The following ZFR variants were observed in gnomAD, a reference collection of about 807,000 sequenced individuals.
ZFR encodes the protein zinc finger RNA-binding protein.
A neutral mutation model predicts 130.7 loss-of-function variants in ZFR; 19 were observed. That is an observed-to-expected ratio of 0.15 (90% confidence interval 0.10 to 0.21). ZFR has a LOEUF of 0.21. Among genes scored for constraint, ZFR ranks in the 10% least tolerant of loss-of-function variants. The probability of loss-of-function intolerance (pLI) is 1.00; values close to 1 mark genes in which losing one functional copy is unlikely to be tolerated. For missense variants in ZFR, 872 were observed against 1,321.5 expected (o/e 0.66, Z 5.27); for synonymous variants, 466 against 456.9 (o/e 1.02, Z -0.25).
At chr5:32,406,452 C>T (rs186514484) in intron 6 of ZFR, among the ~76,000 whole-genome samples, 7 of 152,064 alleles carry the variant, frequency 4.6e-5, no homozygotes, top group Non-Finnish European at 7.4e-5. Context: ...GCTAAAAACA[C>T]AACGAAATAA....
chr5:32,395,189 T>C lies in ZFR; in HGVS notation c.1949A>G (p.Glu650Gly). 1 of 1,606,388 alleles carries C rather than the reference T, an allele frequency of 6.2e-7. No homozygotes were observed. The highest frequency in any genetic ancestry group is 8.5e-7 in the Non-Finnish European group (1 of 1,176,562). Residue 650 changes from glutamate (E) to glycine (G), a missense_variant, in exon 11 of 20, where the codon GAA (glutamate) becomes GGA (glycine). Transcript: ENST00000265069. ...TTCCATTCTCCAACGCTCCTCTTCT[T>C]CTCGTCTTCGCCAGTACTCCTCCTT... ...MQKEEYWRRR[E>G]EEERWRMEMR...
At chr5:32,436,686 C>T (rs904410688) in intron 2 of ZFR, among the ~76,000 whole-genome samples, 5 of 152,094 alleles carry the variant, frequency 3.3e-5, no homozygotes, top group South Asian at 2.1e-4. Flanking sequence ...TTGCTGTTCA[C>T]GCTAGTCTCA....
chr5:32,365,484 G>A (rs1242276062), intron 17 of ZFR, among the ~76,000 whole-genome samples: 1 of 152,056 alleles, frequency 6.6e-6, no homozygotes, highest in Non-Finnish European at 1.5e-5. Flanking sequence ...AATATTAATA[G>A]TGATAAATGT....
Position 32,444,665 on chromosome 5 carries a change from G to T in ZFR, c.-7C>A, listed in dbSNP as rs533135961. ...CAGGGCATATGGGAATCATGGGCTC[G>T]GGCTGCTGCTGCTGAACTCTGAACT... On this transcript the variant is annotated 5_prime_UTR_variant, in exon 1 of 20. Transcript: ENST00000265069. 6.6e-7 allele frequency: 1 copy of T among 1,510,732 alleles called. No homozygotes were observed. The highest frequency in any genetic ancestry group is 8.9e-7 in the Non-Finnish European group (1 of 1,129,556). The allele number at this position is 1,510,732 out of a possible 1,614,324, so 93.6% of individuals were successfully genotyped here. A position where few individuals can be genotyped will look rare whatever the true frequency, so the allele number is the denominator to read the frequency against.
chr5:32,438,163 T>C (rs531662727), intron 2 of ZFR, among the ~76,000 whole-genome samples: 1 of 152,006 alleles, frequency 6.6e-6, no homozygotes, highest in Non-Finnish European at 1.5e-5. Flanking sequence ...CTTAATAGAT[T>C]TGGTGGCTAT....
chr5:32,380,543 T>A (rs1306209650), intron 15 of ZFR: 1 of 160,402 alleles, frequency 6.2e-6, no homozygotes, highest in Non-Finnish European at 1.4e-5. Context: ...CTCTAAATGG[T>A]CGTAAGTTAT....
chr5:32,430,983 G>A (rs574193998), intron 2 of ZFR, among the ~76,000 whole-genome samples: 10 of 152,292 alleles, frequency 6.6e-5, no homozygotes, highest in African/African-American at 2.4e-4. Flanking sequence ...GCTGAGGTGG[G>A]AGGACTGCTT....
intron 11 of ZFR, among the ~76,000 whole-genome samples, chr5:32,391,064 C>T (rs1440106393): frequency 6.6e-6 from 1 of 152,150 alleles, no homozygotes; most frequent in Non-Finnish European, 1.5e-5. Flanking sequence ...CCACAGTATA[C>T]AAATATAGAA....
At chr5:32,391,771 T>C (rs1383359492) in intron 11 of ZFR, among the ~76,000 whole-genome samples, 4 of 152,058 alleles carry the variant, frequency 2.6e-5, no homozygotes, top group East Asian at 1.9e-4. Context: ...TGCTTTTTTT[T>C]CCCTTAAATT....
At chr5:32,424,403 C>T (rs988940028) in intron 2 of ZFR, among the ~76,000 whole-genome samples, 2 of 152,002 alleles carry the variant, frequency 1.3e-5, no homozygotes, top group Non-Finnish European at 1.5e-5. Context: ...CAGTGGCGGG[C>T]ACCTGTAGTC....
chr5:32,419,762 A>G, intron 3 of ZFR, 59 bp downstream of exon 3: 1 of 1,526,796 alleles, frequency 6.5e-7, no homozygotes, highest in East Asian at 2.3e-5. Context: ...GCATTACATT[A>G]TACACTGAAG....
At chr5:32,361,774 C>T (rs1357620674) in intron 19 of ZFR, among the ~76,000 whole-genome samples, 1 of 152,020 alleles carries the variant, frequency 6.6e-6, no homozygotes, top group Non-Finnish European at 1.5e-5. Context: ...ACTCACATGC[C>T]ACCACGCCCG....
rs869249272 is a variant in ZFR, at chr5:32,438,253, A to ATTTTTTTTTTTTTTTTTTTTTTT, written c.137+5953_137+5975dup. On this transcript the variant is annotated intron_variant, in intron 2 of 19. Transcript: ENST00000265069. ...AGAATGCTACTGATTTTATCTGAAAATTTTTTTTTTTTTTTTTTTTTTTTT... is the reference window on the plus strand; with the variant it reads ...AGAATGCTACTGATTTTATCTGAAAATTTTTTTTTTTTTTTTTTTTTTTTTTTTTTTTTTTTTTTTTTTTTTTT... Among the ~76,000 whole-genome samples, 27 of 61,076 alleles carry ATTTTTTTTTTTTTTTTTTTTTTT rather than the reference A, an allele frequency of 4.4e-4. 7 individuals carry two copies. Among genetic ancestry groups the ATTTTTTTTTTTTTTTTTTTTTTT allele is most frequent in the African/African-American group, 1.1e-3 (16 of 13,960 alleles). The allele number at this position is 61,076 out of a possible 152,430, so 40.1% of individuals were successfully genotyped here.
chr5:32,403,347 T>C lies in ZFR; in HGVS notation c.1275A>G (p.Pro425=), dbSNP rs760485387. The stretch of plus-strand genomic sequence containing the variant: ...AAGAAGTAGCTTGGCTAACAACATT[T>C]GGTTCTGTTGATGGAATGGGTTTAC... ...KLGKPIPSTE[P]NVVSQATSST... is the part of the protein sequence containing the mutation. Residue 425 remains proline (P), a synonymous_variant, in exon 8 of 20, where the codon CCA becomes CCG. Coordinates refer to ENST00000265069, the MANE Select transcript of ZFR (RefSeq NM_016107.5). 3.1e-6 allele frequency: 5 copies of C among 1,614,186 alleles called. No individual in the cohort carries two copies. The Admixed American group carries it at 8.3e-5, about 27-fold the overall frequency.
intron 8 of ZFR, among the ~76,000 whole-genome samples, chr5:32,402,106 A>C (rs1414164239): frequency 6.6e-6 from 1 of 152,226 alleles, no homozygotes; most frequent in Non-Finnish European, 1.5e-5. Flanking sequence ...TACCAGAAAG[A>C]TTTTAAAAGT....
At chr5:32,398,083 C>G (rs934803845) in intron 9 of ZFR, among the ~76,000 whole-genome samples, 1 of 145,854 alleles carries the variant, frequency 6.9e-6, no homozygotes, top group Admixed American at 6.8e-5. Context: ...GTCTTGATCT[C>G]CTGACCTCGT....
chr5:32,387,248 C>T lies in ZFR; in HGVS notation c.2499+301G>A, dbSNP rs1753063045. ...TTAAAAAATCACTTTGTCCTAACAACTGCCTTCTTATGATTCAAGTCTTGG... is the reference window on the plus strand; with the variant it reads ...TTAAAAAATCACTTTGTCCTAACAATTGCCTTCTTATGATTCAAGTCTTGG... On this transcript the variant is annotated intron_variant, in intron 14 of 19. Coordinates refer to ENST00000265069, the MANE Select transcript of ZFR (RefSeq NM_016107.5). Among the ~76,000 whole-genome samples, 5 of 152,034 alleles carry T rather than the reference C, an allele frequency of 3.3e-5. 1 individual carries two copies. In the South Asian group the frequency reaches 1.0e-3, roughly 32 times the overall value.
At chr5:32,425,417 ATTCTT>A (rs1754049796) in intron 2 of ZFR, among the ~76,000 whole-genome samples, 1 of 18,748 alleles carries the variant, frequency 5.3e-5, no homozygotes, top group South Asian at 9.7e-4. Context: ...ATTTTAGAAT[ATTCTT>A]AATTTAAGAC....
intron 5 of ZFR, among the ~76,000 whole-genome samples, chr5:32,411,297 T>A (rs189039708): frequency 1.3e-5 from 2 of 152,166 alleles, no homozygotes; most frequent in East Asian, 3.9e-4. Context: ...TTTAAAACTG[T>A]GTGAGCCTCA....
Sources: gnomAD v4.1 joint callset for allele counts (sites outside exome capture counted in the v4.1 genomes callset) on GRCh38, gnomAD v4.1.1 for gene constraint, MANE v1.5 for transcripts, NCBI Gene and HGNC (gene_info 2026-07-23, HGNC 2026-07-21) for gene names.